The following CCSER2 variants were observed in gnomAD, a reference collection of about 807,000 sequenced individuals.
CCSER2 encodes the protein coiled-coil serine rich protein 2.
In CCSER2, 46 loss-of-function variants were observed where a neutral mutation model predicts 92.3. The ratio of observed to expected loss-of-function variants is 0.50; its 90% CI spans 0.39 to 0.64. The LOEUF (loss-of-function observed/expected upper bound fraction) is 0.64. CCSER2 is among the 30% of genes least tolerant of loss of function. The pLI is 0.00. For missense variants in CCSER2, 1,244 were observed against 1,238.9 expected (o/e 1.00, Z -0.06); for synonymous variants, 433 against 431.4 (o/e 1.00, Z -0.04).
At chr10:84,455,283 C>CT (rs71013326) in intron 6 of CCSER2, 16,516 of 99,016 alleles carry the variant, frequency 0.17, 2,692 homozygotes, top group African/African-American at 0.45. Flanking sequence ...TTTTCTTTTT[C>CT]TTTTTTTTTT....
chr10:84,501,469 G>A (rs980721801), intron 9 of CCSER2, among the ~76,000 whole-genome samples: 6 of 151,900 alleles, frequency 3.9e-5, no homozygotes, highest in Non-Finnish European at 8.8e-5. Flanking sequence ...CGGAATTGAA[G>A]TTTGGGATTA....
intron 6 of CCSER2, among the ~76,000 whole-genome samples, chr10:84,439,198 C>CTTTTTTT (rs10654679): frequency 2.1e-5 from 3 of 139,794 alleles, no homozygotes; most frequent in African/African-American, 5.3e-5. Flanking sequence ...TTTTTCTTTT[C>CTTTTTTT]TTTTTTTTTT....
chr10:84,422,548 A>C (rs1335032699), intron 4 of CCSER2, among the ~76,000 whole-genome samples: 1 of 152,072 alleles, frequency 6.6e-6, no homozygotes, highest in Non-Finnish European at 1.5e-5. Context: ...ATTTTTCTCT[A>C]GCTGGGGTTC....
intron 9 of CCSER2, among the ~76,000 whole-genome samples, chr10:84,483,980 TATATATATATATATATAA>T (rs1564711573): frequency 1.2e-3 from 152 of 124,628 alleles, no homozygotes; most frequent in Middle Eastern, 4.2e-3. Flanking sequence ...TATATATATA[TATATATATATATATATAA>T]TTTTTTTTTT....
At chr10:84,456,596 A>G (rs1845638329) in intron 6 of CCSER2, among the ~76,000 whole-genome samples, 1 of 152,152 alleles carries the variant, frequency 6.6e-6, no homozygotes, top group Non-Finnish European at 1.5e-5. Flanking sequence ...TCTCGGGTAA[A>G]TACTTGGGAG....
At chr10:84,456,619 G>A (rs1239736175) in intron 6 of CCSER2, among the ~76,000 whole-genome samples, 1 of 152,114 alleles carries the variant, frequency 6.6e-6, no homozygotes, top group Non-Finnish European at 1.5e-5. Flanking sequence ...GGATTGCTGG[G>A]TTGTATGGTA....
chr10:84,333,698 G>C (rs1477397221), intron 1 of CCSER2, among the ~76,000 whole-genome samples: 1 of 152,202 alleles, frequency 6.6e-6, no homozygotes, highest in Non-Finnish European at 1.5e-5. Flanking sequence ...AGAAATGAAG[G>C]CTAAACCTTG....
chr10:84,355,807 T>C (rs912156629), intron 1 of CCSER2, among the ~76,000 whole-genome samples: 5 of 152,164 alleles, frequency 3.3e-5, no homozygotes, highest in African/African-American at 1.2e-4. Context: ...AGTTACTTTA[T>C]AAAAAAGTGT....
intron 7 of CCSER2, among the ~76,000 whole-genome samples, chr10:84,466,496 TTTG>T (rs1040711320): frequency 2.0e-5 from 3 of 149,630 alleles, no homozygotes; most frequent in African/African-American, 7.3e-5. Context: ...CTTTCTTTTT[TTTG>T]TTTTTTTGGT....
At chr10:84,489,411 T>A (rs1848010416) in intron 9 of CCSER2, among the ~76,000 whole-genome samples, 1 of 152,196 alleles carries the variant, frequency 6.6e-6, no homozygotes, top group Non-Finnish European at 1.5e-5. Flanking sequence ...GCTTTATGAA[T>A]CTGGGTGCTC....
chr10:84,513,684 G>C lies in CCSER2; in HGVS notation c.2561G>C (p.Ser854Thr). Residue 854 changes from serine (S) to threonine (T), a missense_variant, in exon 10 of 10, where the codon AGT becomes ACT. Coordinates refer to ENST00000372088, the MANE Select transcript of CCSER2 (RefSeq NM_001284240.2). Reference protein sequence around the residue: ...GPQLTMDVAKSTPSEANLNIT... With the variant: ...GPQLTMDVAKTTPSEANLNIT... ...CAATTAACAATGGATGTGGCTAAGA[G>C]TACACCTTCTGAAGCAAACTTAAAC... 1.9e-6 allele frequency: 3 copies of C among 1,550,252 alleles called. No individual in the cohort carries two copies. Among genetic ancestry groups the C allele is most frequent in the Non-Finnish European group, 2.6e-6 (3 of 1,151,888 alleles).
intron 4 of CCSER2, among the ~76,000 whole-genome samples, chr10:84,418,798 A>G (rs1842998283): frequency 6.6e-6 from 1 of 152,114 alleles, no homozygotes; most frequent in Non-Finnish European, 1.5e-5. Context: ...TCAAAATCTC[A>G]GTTGCTTTCA....
chr10:84,510,063 T>A, intron 9 of CCSER2, among the ~76,000 whole-genome samples: 1 of 152,308 alleles, frequency 6.6e-6, no homozygotes, highest in Middle Eastern at 3.4e-3. Context: ...AATTCATCTA[T>A]ATCTCCCATC....
At chr10:84,335,383 C>T (rs1466003255) in intron 1 of CCSER2, among the ~76,000 whole-genome samples, 3 of 151,678 alleles carry the variant, frequency 2.0e-5, no homozygotes, top group African/African-American at 7.3e-5. Flanking sequence ...GCTGGGACTA[C>T]AGGCATGTAC....
At chr10:84,332,600 G>A (rs1347861315) in intron 1 of CCSER2, among the ~76,000 whole-genome samples, 1 of 150,904 alleles carries the variant, frequency 6.6e-6, no homozygotes, top group Non-Finnish European at 1.5e-5. Flanking sequence ...CACCACGCCT[G>A]CCTAATTTTT....
chr10:84,508,936 A>G (rs1187137967), intron 9 of CCSER2, among the ~76,000 whole-genome samples: 2 of 152,218 alleles, frequency 1.3e-5, no homozygotes, highest in African/African-American at 4.8e-5. Flanking sequence ...GTCATATTTA[A>G]TTATTAGAAT....
At chr10:84,457,237 TTATATATTATATATTATATAA>T (rs1845689288) in intron 6 of CCSER2, among the ~76,000 whole-genome samples, 3 of 63,850 alleles carry the variant, frequency 4.7e-5, no homozygotes, top group African/African-American at 1.7e-4. Context: ...TATAAATATA[TTATATATTATATATTATATAA>T]AATATATTAT....
In CCSER2 at chr10:84,513,595, T is replaced by A; in HGVS notation, c.2472T>A (p.Phe824Leu). 6.2e-7 allele frequency: 1 copy of A among 1,613,410 alleles called. No homozygotes were observed. The highest frequency in any genetic ancestry group is 1.3e-5 in the African/African-American group (1 of 75,040). The change falls in exon 10 of 10, where the codon TTT becomes TTA. Residue 824 changes from phenylalanine to leucine, a missense_variant. By Grantham distance (22) the Phe-to-Leu change is conservative (BLOSUM62 0). Coordinates refer to ENST00000372088, the MANE Select transcript of CCSER2 (RefSeq NM_001284240.2). The part of the protein sequence containing the change: ...HQGGAHPEES[F>L]THVLHQESNY... Reference sequence around the variant, plus strand: ...GCGGTGCACATCCGGAAGAAAGCTTTACACACGTCTTGCACCAAGAAAGCA... The same window carrying A: ...GCGGTGCACATCCGGAAGAAAGCTTAACACACGTCTTGCACCAAGAAAGCA...
At chr10:84,450,827 A>G (rs1845234787) in intron 6 of CCSER2, among the ~76,000 whole-genome samples, 1 of 152,230 alleles carries the variant, frequency 6.6e-6, no homozygotes. Flanking sequence ...TTAAATAATT[A>G]TGAGAATGAT....
Sources: allele counts gnomAD v4.1 joint callset (sites outside exome capture counted in the v4.1 genomes callset), GRCh38; gene constraint gnomAD v4.1.1; transcripts MANE v1.5; gene names NCBI Gene and HGNC (gene_info 2026-07-23, HGNC 2026-07-21).